The following CDK19 variants were observed in gnomAD, a reference collection of about 807,000 sequenced individuals.
The protein encoded by CDK19 is cyclin dependent kinase 19.
CDK19 carries 20 observed loss-of-function variants against 68.3 expected under a neutral mutation model. The ratio of observed to expected loss-of-function variants is 0.29; its 90% CI spans 0.21 to 0.43. The LOEUF is 0.43. Ranked by LOEUF, CDK19 falls within the 20% of genes least tolerant of loss-of-function variation. CDK19 has a pLI of 1.00. For synonymous variants in CDK19, 221 were observed against 222.8 expected (o/e 0.99, Z 0.07); for missense variants, 339 against 623.5 (o/e 0.54, Z 4.86).
At chr6:110,645,462 G>A (rs897263143) in intron 4 of CDK19, among the ~76,000 whole-genome samples, 1 of 152,180 alleles carries the variant, frequency 6.6e-6, no homozygotes, top group Admixed American at 6.5e-5. Flanking sequence ...AGAGAAAAAG[G>A]CTGAGAATAA....
intron 1 of CDK19, among the ~76,000 whole-genome samples, chr6:110,782,245 C>CT (rs1562284073): frequency 6.6e-6 from 1 of 152,184 alleles, no homozygotes; most frequent in African/African-American, 2.4e-5. Context: ...CTATTTGTCC[C>CT]TTTTATGCCT....
chr6:110,623,819 C>A (rs1582699133), intron 8 of CDK19, among the ~76,000 whole-genome samples: 2 of 146,466 alleles, frequency 1.4e-5, no homozygotes, highest in African/African-American at 5.0e-5. Flanking sequence ...CATATATACA[C>A]ATACATATAC....
chr6:110,639,400 G>A lies in CDK19; in HGVS notation c.457-694C>T, dbSNP rs79883852. On this transcript the variant is annotated intron_variant, in intron 4 of 12. Transcript: ENST00000368911. ...GAGTCTCCTTTGTAAAGTCTTTGAA[G>A]GAAAATGTATGTGTTATTAACTTAC... 9.9e-3 allele frequency among the ~76,000 whole-genome samples: 1,506 copies of A among 152,256 alleles called. 30 individuals are homozygous for A. The highest frequency in any genetic ancestry group is 0.035 in the African/African-American group (1,435 of 41,552).
chr6:110,801,519 G>GT lies in CDK19; in HGVS notation c.128+13489dup, dbSNP rs370966367. On this transcript the variant is annotated intron_variant, in intron 1 of 12. Coordinates refer to ENST00000368911, the MANE Select transcript of CDK19 (RefSeq NM_015076.5). ...AAATAAATTACAGGTTTTTTTGTGTGTTTTTTTTTTGAGACAGGGTTTTGC... is the reference window on the plus strand; with the variant it reads ...AAATAAATTACAGGTTTTTTTGTGTGTTTTTTTTTTTGAGACAGGGTTTTGC... Among the ~76,000 whole-genome samples the GT allele has an allele frequency of 5.9e-3, 869 of 148,152 alleles. 5 individuals are homozygous for GT. Among genetic ancestry groups the GT allele is most frequent in the African/African-American group, 0.019 (781 of 40,452 alleles).
chr6:110,691,970 A>C (rs1773034322), intron 2 of CDK19, among the ~76,000 whole-genome samples: 2 of 151,536 alleles, frequency 1.3e-5, no homozygotes, highest in African/African-American at 4.8e-5. Flanking sequence ...TAAAAAAAAA[A>C]GAAAGAAAAA....
intron 1 of CDK19, among the ~76,000 whole-genome samples, chr6:110,756,858 T>C (rs1407171194): frequency 6.6e-6 from 1 of 152,216 alleles, no homozygotes; most frequent in Non-Finnish European, 1.5e-5. Flanking sequence ...AAATTCGTTT[T>C]GGACATGTTG....
chr6:110,718,429 A>ACTGGC (rs112421494), intron 2 of CDK19, among the ~76,000 whole-genome samples: 6 of 152,306 alleles, frequency 3.9e-5, no homozygotes, highest in African/African-American at 1.2e-4. Flanking sequence ...AACTCTATCA[A>ACTGGC]CTGGCCTGGC....
Position 110,750,061 on chromosome 6 carries a change from C to T in CDK19, c.129-3860G>A, listed in dbSNP as rs758865885. Among the ~76,000 whole-genome samples the T allele has an allele frequency of 2.1e-4, 30 of 145,818 alleles. 2 individuals carry two copies. The highest frequency in any genetic ancestry group is 3.4e-4 in the Admixed American group (5 of 14,898). On this transcript the variant is annotated intron_variant, in intron 1 of 12. Coordinates refer to ENST00000368911, the MANE Select transcript of CDK19 (RefSeq NM_015076.5). Reference sequence around the variant, plus strand: ...CTGGGATTATAGGCGTGAGCCACTGCGCCCAGCCAAATGATCACACCATTA... The same window carrying T: ...CTGGGATTATAGGCGTGAGCCACTGTGCCCAGCCAAATGATCACACCATTA...
At chr6:110,809,204 C>T (rs1463166262) in intron 1 of CDK19, among the ~76,000 whole-genome samples, 1 of 148,368 alleles carries the variant, frequency 6.7e-6, no homozygotes, top group Non-Finnish European at 1.5e-5. Context: ...GACAGCGAGA[C>T]TCCATCTCAA....
At chr6:110,691,064 GGTTA>G (rs1215171686) in intron 2 of CDK19, among the ~76,000 whole-genome samples, 1 of 151,936 alleles carries the variant, frequency 6.6e-6, no homozygotes, top group Non-Finnish European at 1.5e-5. Context: ...GAATCCAAAA[GGTTA>G]ATTATTAAGC....
intron 1 of CDK19, among the ~76,000 whole-genome samples, chr6:110,794,278 C>T (rs1474012446): frequency 1.3e-5 from 2 of 152,026 alleles, no homozygotes; most frequent in African/African-American, 4.8e-5. Flanking sequence ...AACTCCTGAC[C>T]TCAGGTGATC....
chr6:110,777,217 G>C (rs1780467700), intron 1 of CDK19, among the ~76,000 whole-genome samples: 1 of 152,096 alleles, frequency 6.6e-6, no homozygotes, highest in African/African-American at 2.4e-5. Context: ...GTAACAAAAT[G>C]AGAAATGTGA....
chr6:110,662,882 T>C (rs1314478745), intron 4 of CDK19, among the ~76,000 whole-genome samples: 1 of 152,214 alleles, frequency 6.6e-6, no homozygotes, highest in Non-Finnish European at 1.5e-5. Flanking sequence ...CCTTTCCTTT[T>C]AAAGCAATTC....
At chr6:110,730,232 A>G (rs1421347893) in intron 2 of CDK19, among the ~76,000 whole-genome samples, 8 of 152,224 alleles carry the variant, frequency 5.3e-5, no homozygotes, top group African/African-American at 1.4e-4. Flanking sequence ...GACTTGAAAA[A>G]GGAAGTAGCT....
At chr6:110,625,356 T>G (rs1779022365) in intron 8 of CDK19, among the ~76,000 whole-genome samples, 1 of 152,072 alleles carries the variant, frequency 6.6e-6, no homozygotes. Context: ...AGATAGGGTC[T>G]AACTATGTTG....
chr6:110,648,336 G>A (rs1780737817), intron 4 of CDK19, among the ~76,000 whole-genome samples: 1 of 152,108 alleles, frequency 6.6e-6, no homozygotes. Context: ...AATAGTAACA[G>A]AGCTTAGCAA....
intron 5 of CDK19, among the ~76,000 whole-genome samples, chr6:110,635,912 T>C (rs763014586): frequency 6.6e-6 from 1 of 152,188 alleles, no homozygotes; most frequent in Non-Finnish European, 1.5e-5. Flanking sequence ...TTACTAATGT[T>C]TAAAAAACAA....
chr6:110,682,346 G>A (rs1171217148), intron 2 of CDK19, among the ~76,000 whole-genome samples: 2 of 152,114 alleles, frequency 1.3e-5, no homozygotes, highest in African/African-American at 4.8e-5. Context: ...AGAACTGAAG[G>A]TAAATGAAGT....
intron 1 of CDK19, among the ~76,000 whole-genome samples, chr6:110,771,306 C>T (rs1253626190): frequency 6.6e-6 from 1 of 152,218 alleles, no homozygotes; most frequent in Non-Finnish European, 1.5e-5. Context: ...GTTCCCAAAC[C>T]TCAGTTCTTG....
Sources: allele counts gnomAD v4.1 joint callset (sites outside exome capture counted in the v4.1 genomes callset), GRCh38; gene constraint gnomAD v4.1.1; transcripts MANE v1.5; gene names NCBI Gene and HGNC (gene_info 2026-07-23, HGNC 2026-07-21).